The following NET1 variants were observed in gnomAD, a reference collection of about 807,000 sequenced individuals.
The protein encoded by NET1 is neuroepithelial cell transforming 1.
Under a neutral mutation model 61.1 loss-of-function variants are expected in NET1, and 42 were observed. The observed-to-expected ratio is 0.69, with a 90% CI of 0.54 to 0.89. NET1 has a LOEUF of 0.89. NET1 is among the 40% of genes least tolerant of loss of function. The pLI is 0.00. For missense variants in NET1, 654 were observed against 747.3 expected (o/e 0.88, Z 1.46); for synonymous variants, 254 against 281.8 (o/e 0.90, Z 0.99).
rs1186162060 is a variant in NET1, at chr10:5,437,655, T to A, written c.255+8426T>A. Among the ~76,000 whole-genome samples the A allele has an allele frequency of 6.9e-5, 7 of 101,624 alleles. No individual in the cohort carries two copies. The South Asian group carries it at 1.2e-3, about 17-fold the overall frequency. The allele number at this position is 101,624 out of a possible 152,430, so 66.7% of individuals were successfully genotyped here. On this transcript the variant is annotated intron_variant, in intron 3 of 11. Transcript: ENST00000355029. This position sits in a 1 kb window ranked among gnomAD's most constrained non-coding sequence, Gnocchi z 4.3. ...TAACCGAGTACCCTTTTCAACTCTG[T>A]ATTTTCCCTAGTATTTTTTTTTTTA...
rs1487115695 is a variant in NET1, at chr10:5,412,602, G to A, written c.-91G>A. On this transcript the variant is annotated 5_prime_UTR_variant, in exon 1 of 12. Coordinates refer to ENST00000355029, the MANE Select transcript of NET1 (RefSeq NM_001047160.3). The surrounding 1 kb of genome is among the most constrained non-coding windows in gnomAD (Gnocchi z 6.5). ...TGGCGGCTGCAGTCCGCTGACAGGC[G>A]CTTTCTGCCTGGCAGAGGCTGGCGG... The A allele has an allele frequency of 2.2e-5, 29 of 1,347,008 alleles. No homozygotes were observed. The highest frequency in any genetic ancestry group is 2.3e-5 in the Non-Finnish European group (24 of 1,037,020). 83.4% of individuals were successfully genotyped at this position (1,347,008 alleles called of 1,614,324 possible).
At chr10:5,425,566 C>G (rs138068432) in intron 1 of NET1, among the ~76,000 whole-genome samples, 1 of 152,304 alleles carries the variant, frequency 6.6e-6, no homozygotes, top group East Asian at 1.9e-4. Flanking sequence ...CCTGTGAAAG[C>G]CAGATATACC....
chr10:5,452,419 C>A lies in NET1; in HGVS notation c.425C>A (p.Ser142Ter). Residue 142 changes from serine (S) to a stop codon, truncating the protein, a stop_gained, in exon 5 of 12, where the codon TCA becomes TAA. Coordinates refer to ENST00000355029, the MANE Select transcript of NET1 (RefSeq NM_001047160.3). LOFTEE classifies it high-confidence loss of function. The surrounding 1 kb of genome is among the most constrained non-coding windows in gnomAD (Gnocchi z 4.0). ...PASAQKFSSR[S>*]TVPTPAKRRS... ...TCTGCCCAGAAGTTTTCTAGCAGGT[C>A]AACAGTCCCAACACCCGCCAAGAGA... 1 of 1,614,030 alleles carries A rather than the reference C, an allele frequency of 6.2e-7. No homozygotes were observed.
intron 3 of NET1, among the ~76,000 whole-genome samples, chr10:5,436,644 G>A (rs1172355092): frequency 6.6e-6 from 1 of 152,004 alleles, no homozygotes; most frequent in Non-Finnish European, 1.5e-5. Flanking sequence ...AATTTTAAAA[G>A]CATTGTGATT....
rs1736513915 is a variant in NET1 at position 5,452,086 on chromosome 10, C to T, written c.363+149C>T. On this transcript the variant is annotated intron_variant, in intron 4 of 11. Transcript: ENST00000355029. This position sits in a 1 kb window ranked among gnomAD's most constrained non-coding sequence, Gnocchi z 4.0. ...AATATGCTAGTAAGGAATATTGTTC[C>T]AGAACAATGTGTAGCCTCATTATAT... The T allele has an allele frequency of 4.7e-6, 3 of 632,526 alleles. No homozygotes were observed. Among genetic ancestry groups the T allele is most frequent in the African/African-American group, 1.8e-5 (1 of 54,750 alleles). The allele number at this position is 632,526 out of a possible 1,614,324, so 39.2% of individuals were successfully genotyped here. A position where few individuals can be genotyped will look rare whatever the true frequency, so the allele number is the denominator to read the frequency against.
At position 5,453,017 on chromosome 10, in the gene NET1, T is replaced by A; in HGVS notation, c.594+97T>A. 1 of 906,498 alleles carries A rather than the reference T, an allele frequency of 1.1e-6. No homozygotes were observed. Among genetic ancestry groups the A allele is most frequent in the Non-Finnish European group, 1.8e-6 (1 of 559,442 alleles). 56.2% of individuals were successfully genotyped at this position (906,498 alleles called of 1,614,324 possible). A position where few individuals can be genotyped will look rare whatever the true frequency, so the allele number is the denominator to read the frequency against. The stretch of plus-strand genomic sequence containing the variant: ...TTCTTAACCTTTAGAAGTAGAAGAA[T>A]AGAAAATATCTACTGGTGAATACAT... On this transcript the variant is annotated intron_variant, in intron 6 of 11. Transcript: ENST00000355029. The surrounding 1 kb of genome is among the most constrained non-coding windows in gnomAD (Gnocchi z 4.9).
rs1392419614 is a variant in NET1 at position 5,437,954 on chromosome 10, TA to T, written c.255+8731del. ...TAAAAAGCAGTAACAAAAGGAAATC[TA>T]AAAAATTTATAAGTATGTGGAAATT... On this transcript the variant is annotated intron_variant, in intron 3 of 11. Transcript: ENST00000355029. This position sits in a 1 kb window ranked among gnomAD's most constrained non-coding sequence, Gnocchi z 4.3. Among the ~76,000 whole-genome samples, 2 of 152,164 alleles carry T rather than the reference TA, an allele frequency of 1.3e-5. No individual in the cohort carries two copies. The highest frequency in any genetic ancestry group is 2.1e-4 in the South Asian group (1 of 4,828).
In NET1 at chr10:5,417,802, T is replaced by C. The variant is rs1457244147; in HGVS notation, c.128+4982T>C. Among the ~76,000 whole-genome samples the C allele has an allele frequency of 6.6e-6, 1 of 152,202 alleles. No homozygotes were observed. ...TTTCACCATTAAGTATGATGTTAGT[T>C]GTAAGCTTTGTAGATGTCCTTTATC... On this transcript the variant is annotated intron_variant, in intron 1 of 11. Coordinates refer to ENST00000355029, the MANE Select transcript of NET1 (RefSeq NM_001047160.3). The surrounding 1 kb of genome is among the most constrained non-coding windows in gnomAD (Gnocchi z 5.5).
rs1023702025 is a variant in NET1, at chr10:5,421,626, A to G, written c.129-5029A>G. On this transcript the variant is annotated intron_variant, in intron 1 of 11. Coordinates refer to ENST00000355029, the MANE Select transcript of NET1 (RefSeq NM_001047160.3). This position sits in a 1 kb window ranked among gnomAD's most constrained non-coding sequence, Gnocchi z 4.2. ...AGGCCATGTGGTCCCAAATAAGTTG[A>G]CTATGTTTTTAAATAGTTTATTGAG... is the stretch of plus-strand genomic sequence containing the variant. 7.2e-5 allele frequency among the ~76,000 whole-genome samples: 11 copies of G among 152,214 alleles called. No homozygotes were observed.
At position 5,452,283 on chromosome 10, in the gene NET1, A is replaced by C; in HGVS notation, c.364-75A>C. ...CAGAACTTTGTCTTTCTTCACTTTA[A>C]AAAAAAAGAAAATGGGAATAATTCT... On this transcript the variant is annotated intron_variant, in intron 4 of 11. Coordinates refer to ENST00000355029, the MANE Select transcript of NET1 (RefSeq NM_001047160.3). The surrounding 1 kb of genome is among the most constrained non-coding windows in gnomAD (Gnocchi z 4.0). 7.6e-7 allele frequency: 1 copy of C among 1,321,856 alleles called. No individual in the cohort carries two copies. The allele number at this position is 1,321,856 out of a possible 1,614,324, so 81.9% of individuals were successfully genotyped here.
In NET1 at chr10:5,447,121, G is replaced by A. The variant is rs111940605; in HGVS notation, c.256-4709G>A. 4.6e-5 allele frequency among the ~76,000 whole-genome samples: 7 copies of A among 152,286 alleles called. No individual in the cohort carries two copies. The highest frequency in any genetic ancestry group is 1.2e-4 in the African/African-American group (5 of 41,558). The stretch of plus-strand genomic sequence containing the variant: ...TAAATGTATATGTTACTCGGGTTAC[G>A]TTTGTCACATTTCTGATGCTTAATA... On this transcript the variant is annotated intron_variant, in intron 3 of 11. Transcript: ENST00000355029. The surrounding 1 kb of genome is among the most constrained non-coding windows in gnomAD (Gnocchi z 4.1).
Position 5,417,730 on chromosome 10 carries a change from G to A in NET1, c.128+4910G>A, listed in dbSNP as rs1365693513. 1.3e-5 allele frequency among the ~76,000 whole-genome samples: 2 copies of A among 152,078 alleles called. No homozygotes were observed. Among genetic ancestry groups the A allele is most frequent in the South Asian group, 2.1e-4 (1 of 4,816 alleles). Reference sequence around the variant, plus strand: ...CAACGCTGAACAGAAGTGGAGAGACGGGAAATTCTTGTCTTGTTTCTGATC... The same window carrying A: ...CAACGCTGAACAGAAGTGGAGAGACAGGAAATTCTTGTCTTGTTTCTGATC... On this transcript the variant is annotated intron_variant, in intron 1 of 11. Transcript: ENST00000355029. The surrounding 1 kb of genome is among the most constrained non-coding windows in gnomAD (Gnocchi z 5.5).
At chr10:5,428,804 C>G (rs1258804079) in intron 2 of NET1, among the ~76,000 whole-genome samples, 1 of 151,624 alleles carries the variant, frequency 6.6e-6, no homozygotes, top group East Asian at 1.9e-4. Flanking sequence ...CTCACTGCAG[C>G]CTCTGCCTCC....
At chr10:5,428,067 T>C (rs896987168) in intron 2 of NET1, among the ~76,000 whole-genome samples, 195 of 87,506 alleles carry the variant, frequency 2.2e-3, no homozygotes, top group African/African-American at 4.5e-3. Context: ...TTTTTTTTTT[T>C]CTTCTCTATT....
rs1327473517 is a variant in NET1 at position 5,421,988 on chromosome 10, A to C, written c.129-4667A>C. ...CAACTCCATTTACCAGCTGTTGTACATTTGATTTGTTTCCAGTTTGGTGCT... is the reference window on the plus strand; with the variant it reads ...CAACTCCATTTACCAGCTGTTGTACCTTTGATTTGTTTCCAGTTTGGTGCT... On this transcript the variant is annotated intron_variant, in intron 1 of 11. Coordinates refer to ENST00000355029, the MANE Select transcript of NET1 (RefSeq NM_001047160.3). The surrounding 1 kb of genome is among the most constrained non-coding windows in gnomAD (Gnocchi z 4.2). Among the ~76,000 whole-genome samples, 1 of 152,194 alleles carries C rather than the reference A, an allele frequency of 6.6e-6. No individual in the cohort carries two copies. Among genetic ancestry groups the C allele is most frequent in the African/African-American group, 2.4e-5 (1 of 41,446 alleles).
In NET1 at chr10:5,446,840, GT is replaced by G; in HGVS notation, c.256-4989del. ...TACGAGTCCTAGATGTCAATAACCA[GT>G]CCTTCAGAGAACAAGAGGTAAGACT... On this transcript the variant is annotated intron_variant, in intron 3 of 11. Transcript: ENST00000355029. This position sits in a 1 kb window ranked among gnomAD's most constrained non-coding sequence, Gnocchi z 5.0. 1 of 1,610,234 alleles carries G rather than the reference GT, an allele frequency of 6.2e-7. No homozygotes were observed. Among genetic ancestry groups the G allele is most frequent in the East Asian group, 2.2e-5 (1 of 44,812 alleles).
intron 3 of NET1, among the ~76,000 whole-genome samples, chr10:5,448,931 G>A (rs902110182): frequency 5.3e-5 from 8 of 152,058 alleles, no homozygotes; most frequent in Non-Finnish European, 1.0e-4. Flanking sequence ...CAAATATTTA[G>A]GTTCTTAATA....
rs756832701 is a variant in NET1, at chr10:5,452,376, G to A, written c.382G>A (p.Asp128Asn). The change falls in exon 5 of 12, where the codon GAC becomes AAC. Residue 128 changes from aspartate to asparagine, a missense_variant. Asp to Asn is a conservative substitution (Grantham distance 23). Coordinates refer to ENST00000355029, the MANE Select transcript of NET1 (RefSeq NM_001047160.3). This position sits in a 1 kb window ranked among gnomAD's most constrained non-coding sequence, Gnocchi z 4.0. The stretch of plus-strand genomic sequence containing the variant: ...TTTTAAGTCATTTACCCTTCGTGGT[G>A]ACCACAGATCCCCAGCCTCTGCCCA... ...QTIQSFTLRG[D>N]HRSPASAQKF... is the part of the protein sequence containing the mutation. 6.2e-7 allele frequency: 1 copy of A among 1,609,036 alleles called. No individual in the cohort carries two copies. The highest frequency in any genetic ancestry group is 8.5e-7 in the Non-Finnish European group (1 of 1,177,400).
Position 5,420,656 on chromosome 10 carries a change from C to T in NET1, c.129-5999C>T, listed in dbSNP as rs576196935. ...CTGTCGCCAGGCTGGAGTGCAGTGGCGCGATCTCGGCTCACTGTAGCCTCC... is the reference window on the plus strand; with the variant it reads ...CTGTCGCCAGGCTGGAGTGCAGTGGTGCGATCTCGGCTCACTGTAGCCTCC... On this transcript the variant is annotated intron_variant, in intron 1 of 11. Coordinates refer to ENST00000355029, the MANE Select transcript of NET1 (RefSeq NM_001047160.3). This position sits in a 1 kb window ranked among gnomAD's most constrained non-coding sequence, Gnocchi z 5.3. 6.6e-6 allele frequency among the ~76,000 whole-genome samples: 1 copy of T among 152,150 alleles called. No homozygotes were observed. The highest frequency in any genetic ancestry group is 1.9e-4 in the East Asian group (1 of 5,170).
Sources: gnomAD v4.1 joint callset for allele counts (sites outside exome capture counted in the v4.1 genomes callset) on GRCh38, gnomAD v4.1.1 for gene constraint, Gnocchi (gnomAD v3.1) non-coding constraint, MANE v1.5 for transcripts, NCBI Gene and HGNC (gene_info 2026-07-23, HGNC 2026-07-21) for gene names.